Variants in RNF213 observed in about 807,000 individuals in gnomAD.
RNF213 encodes the protein ring finger protein 213.
Under a neutral mutation model 514.4 loss-of-function variants are expected in RNF213, and 341 were observed. The observed-to-expected ratio is 0.66, with a 90% CI of 0.61 to 0.73. The LOEUF (loss-of-function observed/expected upper bound fraction) is 0.73, where lower values mean the gene tolerates loss of function less well. Among genes scored for constraint, RNF213 ranks in the 30% least tolerant of loss-of-function variants. The pLI is 0.00. For synonymous variants in RNF213, 2,655 were observed against 2,658.2 expected, an observed-to-expected ratio of 1.00 and a Z score of 0.04; for missense variants, 5,767 against 6,615.6, an observed-to-expected ratio of 0.87 and a Z score of 4.45.
chr17:80,272,196 ATT>A (rs1213772337), intron 2 of RNF213, among the ~76,000 whole-genome samples: 4 of 151,818 alleles, frequency 2.6e-5, no homozygotes, highest in Non-Finnish European at 4.4e-5. Flanking sequence ...AGGCAGGAGA[ATT>A]GCTTGAACCT....
chr17:80,318,576 A>G (rs1214425425), intron 16 of RNF213, among the ~76,000 whole-genome samples: 9 of 150,836 alleles, frequency 6.0e-5, no homozygotes, highest in Non-Finnish European at 1.2e-4. Context: ...TTTTATATGT[A>G]ACTTTTTTTT....
intron 2 of RNF213, among the ~76,000 whole-genome samples, chr17:80,266,081 T>C (rs543591774): frequency 6.6e-6 from 1 of 152,226 alleles, no homozygotes; most frequent in South Asian, 2.1e-4. Context: ...ATGCATTTCA[T>C]GTTGCAGCTG....
Position 80,291,764 on chromosome 17 carries a change from C to T in RNF213, c.1408C>T (p.Gln470Ter). ...FEYEFIYKHQ[Q>*]KKGEYVNRCL... The stretch of plus-strand genomic sequence containing the variant: ...GTATGAGTTCATTTACAAGCACCAG[C>T]AGAAGAAGGGCGAGTACGTCAACCG... Residue 470 changes from glutamine (Q) to a stop codon, truncating the protein, a stop_gained, in exon 8 of 68, where the codon CAG becomes TAG. Coordinates refer to ENST00000582970, the MANE Select transcript of RNF213 (RefSeq NM_001256071.3). LOFTEE classifies it high-confidence loss of function. 3 of 1,614,204 alleles carry T rather than the reference C, an allele frequency of 1.9e-6. No individual in the cohort carries two copies. The highest frequency in any genetic ancestry group is 1.7e-6 in the Non-Finnish European group (2 of 1,180,050).
chr17:80,329,960 T>C (rs72849894), intron 20 of RNF213, among the ~76,000 whole-genome samples: 4,858 of 152,322 alleles, frequency 0.032, 113 homozygotes, highest in Middle Eastern at 0.071. Context: ...TTGCTGGAAT[T>C]CCTGTTAATT....
chr17:80,264,056 C>A lies in RNF213; in HGVS notation c.97+278C>A, dbSNP rs1423808290. 6.6e-6 allele frequency among the ~76,000 whole-genome samples: 1 copy of A among 152,180 alleles called. No individual in the cohort carries two copies. The highest frequency in any genetic ancestry group is 1.5e-5 in the Non-Finnish European group (1 of 68,036). ...TCAGGCCCGGCCTGAGTGAGCCCAC[C>A]CGAGTGGGAGGAGAGGGCAGGGCCA... On this transcript the variant is annotated intron_variant, in intron 2 of 67. Transcript: ENST00000582970. This position sits in a 1 kb window ranked among gnomAD's most constrained non-coding sequence, Gnocchi z 5.0.
chr17:80,326,129 T>C (rs2046274740), intron 18 of RNF213, among the ~76,000 whole-genome samples: 1 of 151,784 alleles, frequency 6.6e-6, no homozygotes, highest in Non-Finnish European at 1.5e-5. Context: ...CAGCAGTTTA[T>C]TTAATTTTAA....
At chr17:80,322,262 G>C (rs2046165197) in intron 17 of RNF213, among the ~76,000 whole-genome samples, 1 of 147,342 alleles carries the variant, frequency 6.8e-6, no homozygotes. Flanking sequence ...CTGGGCTGAA[G>C]TGGTCCTCCC....
At chr17:80,289,905 C>G in intron 6 of RNF213, 68 bp downstream of exon 6, 1 of 1,476,164 alleles carries the variant, frequency 6.8e-7, no homozygotes, top group Non-Finnish European at 9.3e-7. Flanking sequence ...TCTCCCTGCA[C>G]AACTCTCAGG....
chr17:80,361,656 A>AC, intron 38 of RNF213, 78 bp from the exon 39 acceptor site: 2 of 1,546,446 alleles, frequency 1.3e-6, no homozygotes, highest in South Asian at 2.2e-5. Context: ...ATTCCCCTTC[A>AC]CTCCGGAGCC....
At chr17:80,388,510 G>A (rs1310511176) in intron 63 of RNF213, 102 bp from the exon 64 acceptor site, 23 of 808,244 alleles carry the variant, frequency 2.8e-5, no homozygotes, top group African/African-American at 1.0e-4. Flanking sequence ...AGGGCAGCGC[G>A]GCACTACGCT....
Position 80,317,306 on chromosome 17 carries a change from AG to A in RNF213, c.2901+32del, listed in dbSNP as rs1568062433. ...CCAAAAGTTTGGGGGCAGTCTTTTC[AG>A]GGCGTGAAGGCAAGCTGGAGAACCC... is the stretch of plus-strand genomic sequence containing the variant. On this transcript the variant is annotated intron_variant, in intron 16 of 67. Coordinates refer to ENST00000582970, the MANE Select transcript of RNF213 (RefSeq NM_001256071.3). The surrounding 1 kb of genome is among the most constrained non-coding windows in gnomAD (Gnocchi z 4.1). The A allele has an allele frequency of 4.4e-6, 7 of 1,597,606 alleles. No individual in the cohort carries two copies. The highest frequency in any genetic ancestry group is 6.0e-6 in the Non-Finnish European group (7 of 1,170,268).
chr17:80,353,812 G>A lies in RNF213; in HGVS notation c.10578+146G>A, dbSNP rs946219828. 2.3e-5 allele frequency: 29 copies of A among 1,275,280 alleles called. No homozygotes were observed. Among genetic ancestry groups the A allele is most frequent in the African/African-American group, 7.3e-5 (5 of 68,350 alleles). The allele number at this position is 1,275,280 out of a possible 1,614,324, so 79.0% of individuals were successfully genotyped here. A position where few individuals can be genotyped will look rare whatever the true frequency, so the allele number is the denominator to read the frequency against. On this transcript the variant is annotated intron_variant, in intron 34 of 67. Coordinates refer to ENST00000582970, the MANE Select transcript of RNF213 (RefSeq NM_001256071.3). This position sits in a 1 kb window ranked among gnomAD's most constrained non-coding sequence, Gnocchi z 5.0. ...CGCCCCACTTTCCTCACACAGTGAC[G>A]GTCTTGTTGCTGGTTACTGGGGGTC...
chr17:80,385,382 T>G (rs1402748863), intron 60 of RNF213, among the ~76,000 whole-genome samples, 156 bp from the exon 61 acceptor site: 3 of 152,186 alleles, frequency 2.0e-5, no homozygotes, highest in African/African-American at 7.2e-5. Context: ...CTCTAGCTCC[T>G]CAAACTCGGC....
At position 80,398,490 on chromosome 17, in the gene RNF213, A is replaced by G. The variant is rs899937642; in HGVS notation, c.*4992A>G. On this transcript the variant is annotated 3_prime_UTR_variant, in exon 68 of 68. Transcript: ENST00000582970. ...TAGAGGTAGGTTGGCCATCAGAGTG[A>G]AGCCTGGACAGGTCCCTTGTTTCAA... is the stretch of plus-strand genomic sequence containing the variant. 8 of 152,176 alleles carry G rather than the reference A, an allele frequency of 5.3e-5. No individual in the cohort carries two copies. The highest frequency in any genetic ancestry group is 1.0e-4 in the Non-Finnish European group (7 of 68,048). 9.4% of individuals were successfully genotyped at this position (152,176 alleles called of 1,614,324 possible).
intron 13 of RNF213, among the ~76,000 whole-genome samples, chr17:80,308,582 C>G (rs558376932): frequency 1.3e-5 from 2 of 152,158 alleles, no homozygotes; most frequent in Non-Finnish European, 2.9e-5. Flanking sequence ...ATGTGTCCCT[C>G]AGAAAACACA....
At chr17:80,307,859 T>G (rs1482848563) in intron 13 of RNF213, among the ~76,000 whole-genome samples, 3,450 of 149,964 alleles carry the variant, frequency 0.023, 128 homozygotes, top group African/African-American at 0.076. Context: ...CGTCTGTTTT[T>G]TTTTTTTTTT....
At chr17:80,370,829 A>G (rs1163412057) in intron 46 of RNF213, among the ~76,000 whole-genome samples, 1 of 152,210 alleles carries the variant, frequency 6.6e-6, no homozygotes, top group East Asian at 1.9e-4. Context: ...TCTCCTGGAA[A>G]TCAGCAAAGT....
At position 80,345,902 on chromosome 17, in the gene RNF213, G is replaced by A; in HGVS notation, c.7567G>A (p.Ala2523Thr). The stretch of plus-strand genomic sequence containing the variant: ...GGACTCTGGCCTGCATATTATAGCT[G>A]CCTGCAATCCATACCGGAAGCACTC... Reference protein sequence around the residue: ...AEDSGLHIIAACNPYRKHSEE... With the variant: ...AEDSGLHIIATCNPYRKHSEE... The change falls in exon 29 of 68, where the codon GCC becomes ACC. Residue 2523 changes from alanine (A) to threonine (T), a missense_variant. Ala to Thr is a moderately conservative substitution (Grantham distance 58, BLOSUM62 0). Transcript: ENST00000582970. This position sits in a 1 kb window ranked among gnomAD's most constrained non-coding sequence, Gnocchi z 6.0. The A allele has an allele frequency of 6.2e-7, 1 of 1,614,208 alleles. No homozygotes were observed. The highest frequency in any genetic ancestry group is 8.5e-7 in the Non-Finnish European group (1 of 1,180,040).
Position 80,345,570 on chromosome 17 carries a change from G to A in RNF213, c.7235G>A (p.Cys2412Tyr). Residue 2412 changes from cysteine (C) to tyrosine (Y), a missense_variant, in exon 29 of 68, where the codon TGT becomes TAT. Cys to Tyr is a radical substitution (Grantham distance 194, BLOSUM62 -2). Coordinates refer to ENST00000582970, the MANE Select transcript of RNF213 (RefSeq NM_001256071.3). The surrounding 1 kb of genome is among the most constrained non-coding windows in gnomAD (Gnocchi z 6.0). ...KILAIEMRFR[C>Y]GIPVIIMGET... ...CTTGCCATCGAGATGCGGTTCCGGT[G>A]TGGGATCCCGGTTATCATCATGGGA... The A allele has an allele frequency of 6.2e-7, 1 of 1,613,572 alleles. No homozygotes were observed. Among genetic ancestry groups the A allele is most frequent in the African/African-American group, 1.3e-5 (1 of 75,042 alleles).
Sources: allele counts gnomAD v4.1 joint callset (sites outside exome capture counted in the v4.1 genomes callset), GRCh38; gene constraint gnomAD v4.1.1; non-coding constraint Gnocchi (gnomAD v3.1); transcripts MANE v1.5; gene names NCBI Gene and HGNC (gene_info 2026-07-23, HGNC 2026-07-21).